The following LAMC1 variants were observed in gnomAD, a reference collection of about 807,000 sequenced individuals.
LAMC1 encodes laminin subunit gamma 1.
LAMC1 carries 38 observed loss-of-function variants against 173.6 expected under a neutral mutation model. The ratio of observed to expected loss-of-function variants is 0.22; its 90% CI spans 0.17 to 0.29. The LOEUF is 0.29. Ranked by LOEUF, LAMC1 falls within the 10% of genes least tolerant of loss-of-function variation. The pLI is 1.00. For synonymous variants in LAMC1, 746 were observed against 749.1 expected (o/e 1.00, Z 0.07); for missense variants, 1,824 against 2,051.8 (o/e 0.89, Z 2.14).
At chr1:183,124,146 C>G (rs1242817132) in intron 13 of LAMC1, among the ~76,000 whole-genome samples, 1 of 152,228 alleles carries the variant, frequency 6.6e-6, no homozygotes, top group Non-Finnish European at 1.5e-5. Flanking sequence ...TGCCCTGATT[C>G]TGTACCAATT....
chr1:183,052,222 G>T, intron 1 of LAMC1, among the ~76,000 whole-genome samples: 1 of 151,862 alleles, frequency 6.6e-6, no homozygotes, highest in East Asian at 1.9e-4. Context: ...TTTTCTTTCT[G>T]TTCTGTCTTT....
chr1:183,077,835 A>T (rs925545552), intron 1 of LAMC1, among the ~76,000 whole-genome samples: 2 of 146,974 alleles, frequency 1.4e-5, no homozygotes, highest in African/African-American at 5.0e-5. Context: ...TGATTGATGG[A>T]CATTTGGGTT....
chr1:183,109,469 G>A (rs1167804807), intron 3 of LAMC1, among the ~76,000 whole-genome samples: 1 of 152,152 alleles, frequency 6.6e-6, no homozygotes, highest in African/African-American at 2.4e-5. Flanking sequence ...TTCAGTCAAA[G>A]GTCCTTTTAT....
intron 1 of LAMC1, among the ~76,000 whole-genome samples, chr1:183,055,375 A>G (rs1477373338): frequency 6.6e-6 from 1 of 152,074 alleles, no homozygotes; most frequent in African/African-American, 2.4e-5. Flanking sequence ...TGACTCAGCT[A>G]TGAACTTGAT....
chr1:183,090,740 C>T (rs1261605995), intron 1 of LAMC1, among the ~76,000 whole-genome samples: 3 of 152,130 alleles, frequency 2.0e-5, no homozygotes, highest in Non-Finnish European at 2.9e-5. Context: ...GTCCCAGCTA[C>T]GATTACTGTT....
In LAMC1 at chr1:183,114,664, C is replaced by G; in HGVS notation, c.1155C>G (p.Asn385Lys). 1.2e-6 allele frequency: 2 copies of G among 1,614,208 alleles called. No homozygotes were observed. The highest frequency in any genetic ancestry group is 1.7e-6 in the Non-Finnish European group (2 of 1,180,036). Residue 385 changes from asparagine to lysine, a missense_variant, in exon 5 of 28, where the codon AAC (asparagine) becomes AAG (lysine). Physicochemically the swap from Asn to Lys is moderately conservative, Grantham distance 94 (BLOSUM62 0). Transcript: ENST00000258341. ...CCCACTGTGAGAGGTGCCGAGAGAA[C>G]TTCTTCCGCCTTGGCAACAATGAAG... Reference protein sequence around the residue: ...DGAHCERCRENFFRLGNNEAC... With the variant: ...DGAHCERCREKFFRLGNNEAC...
At chr1:183,098,076 C>T (rs1213096966) in intron 1 of LAMC1, among the ~76,000 whole-genome samples, 2 of 152,146 alleles carry the variant, frequency 1.3e-5, no homozygotes, top group South Asian at 2.1e-4. Context: ...ATACTGTCTA[C>T]TTTCACTTGC....
intron 3 of LAMC1, among the ~76,000 whole-genome samples, chr1:183,110,124 G>A (rs1656101323): frequency 6.6e-6 from 1 of 152,152 alleles, no homozygotes; most frequent in Admixed American, 6.5e-5. Context: ...ACACTGGTAA[G>A]TGACAGGGAA....
chr1:183,133,266 G>A (rs1238635313), intron 21 of LAMC1, 140 bp from the exon 22 acceptor site: 4 of 718,882 alleles, frequency 5.6e-6, no homozygotes, highest in Non-Finnish European at 9.4e-6. Flanking sequence ...GCAAAATGTT[G>A]GTATTAAAAT....
At chr1:183,122,588 T>A (rs879528721) in intron 13 of LAMC1, among the ~76,000 whole-genome samples, 5 of 152,160 alleles carry the variant, frequency 3.3e-5, no homozygotes, top group Admixed American at 6.5e-5. Context: ...CTGAGCTACC[T>A]ACTTGCCATT....
intron 1 of LAMC1, among the ~76,000 whole-genome samples, chr1:183,085,635 G>A (rs1024877984): frequency 6.6e-6 from 1 of 152,066 alleles, no homozygotes; most frequent in African/African-American, 2.4e-5. Flanking sequence ...CTCCCAAAAT[G>A]CTAGGATTGC....
At chr1:183,124,544 A>G in intron 13 of LAMC1, 87 bp from the exon 14 acceptor site, 1 of 1,475,006 alleles carries the variant, frequency 6.8e-7, no homozygotes, top group Non-Finnish European at 9.3e-7. Context: ...TGTGATGATT[A>G]CACTAGATTA....
At chr1:183,138,593 A>G (rs1415241123) in intron 26 of LAMC1, 2 of 152,206 alleles carry the variant, frequency 1.3e-5, no homozygotes, top group Admixed American at 6.5e-5. Context: ...TGGGATGGAA[A>G]AAAGAAGTAC....
chr1:183,035,685 A>G (rs1204987175), intron 1 of LAMC1, among the ~76,000 whole-genome samples: 2 of 152,174 alleles, frequency 1.3e-5, no homozygotes, highest in African/African-American at 4.8e-5. Context: ...TGAATTTATT[A>G]TGCCAAGCGG....
At chr1:183,056,703 A>G (rs541800642) in intron 1 of LAMC1, among the ~76,000 whole-genome samples, 1 of 152,276 alleles carries the variant, frequency 6.6e-6, no homozygotes, top group East Asian at 1.9e-4. Context: ...GGGAGATAGC[A>G]ATTGCTTAAG....
chr1:183,132,559 T>C, intron 21 of LAMC1, 22 bp downstream of exon 21: 1 of 1,596,752 alleles, frequency 6.3e-7, no homozygotes, highest in Non-Finnish European at 8.6e-7. Flanking sequence ...TTGAAAGTGG[T>C]TTACACCCCT....
At chr1:183,101,309 T>A (rs765603208) in intron 1 of LAMC1, among the ~76,000 whole-genome samples, 54 of 152,086 alleles carry the variant, frequency 3.6e-4, no homozygotes, top group Non-Finnish European at 6.8e-4. Flanking sequence ...TACTGTACTA[T>A]AACCTCGCCC....
rs1656347920 is a variant in LAMC1, at chr1:183,117,272, A to G, written c.1565-48A>G. ...TATGATACATAGAGGACCTGAATTC[A>G]GGATGTTTACAGTGTAAAGTGCTTG... On this transcript the variant is annotated intron_variant, in intron 8 of 27. Transcript: ENST00000258341. 5 of 1,564,228 alleles carry G rather than the reference A, an allele frequency of 3.2e-6. No homozygotes were observed. In the African/African-American group the frequency reaches 4.1e-5, roughly 13 times the overall value.
At chr1:183,068,455 TTC>T (rs1454715831) in intron 1 of LAMC1, among the ~76,000 whole-genome samples, 1 of 152,190 alleles carries the variant, frequency 6.6e-6, no homozygotes, top group Non-Finnish European at 1.5e-5. Flanking sequence ...GATATTAATG[TTC>T]TTCAAATTAG....
Sources: gnomAD v4.1 joint callset for allele counts (sites outside exome capture counted in the v4.1 genomes callset) on GRCh38, gnomAD v4.1.1 for gene constraint, MANE v1.5 for transcripts, NCBI Gene and HGNC (gene_info 2026-07-23, HGNC 2026-07-21) for gene names.